The following SKI variants were observed in gnomAD, a reference collection of about 807,000 sequenced individuals.
The protein encoded by SKI is ski oncogene.
Under a neutral mutation model 59.3 loss-of-function variants are expected in SKI, and 23 were observed. That is an observed-to-expected ratio of 0.39 (90% confidence interval 0.28 to 0.55). The LOEUF (loss-of-function observed/expected upper bound fraction) is 0.55, where lower values mean the gene tolerates loss of function less well. Ranked by LOEUF, SKI falls within the 20% of genes least tolerant of loss-of-function variation. The pLI, the probability that SKI is intolerant of heterozygous loss-of-function variation, is 0.67. For missense variants in SKI, 1,017 were observed against 1,038.9 expected (o/e 0.98, Z 0.29); for synonymous variants, 673 against 488.6 (o/e 1.38, Z -4.98).
rs991398284 is a variant in SKI, at chr1:2,308,114, G to A, written c.*1349G>A. Reference sequence around the variant, plus strand: ...AAGCTTGAAAAATGATTTCCCAGTAGACAAGAGGCGGCTACCTATCCTACA... The same window carrying A: ...AAGCTTGAAAAATGATTTCCCAGTAAACAAGAGGCGGCTACCTATCCTACA... On this transcript the variant is annotated 3_prime_UTR_variant, in exon 7 of 7. Coordinates refer to ENST00000378536, the MANE Select transcript of SKI (RefSeq NM_003036.4). The A allele has an allele frequency of 6.6e-6, 1 of 152,224 alleles. No homozygotes were observed. The highest frequency in any genetic ancestry group is 6.5e-5 in the Admixed American group (1 of 15,276). 9.4% of individuals were successfully genotyped at this position (152,224 alleles called of 1,614,324 possible).
chr1:2,300,358 G>A (rs532477154), intron 1 of SKI, among the ~76,000 whole-genome samples: 2 of 151,708 alleles, frequency 1.3e-5, no homozygotes, highest in Admixed American at 1.3e-4. Context: ...CTCCTGCCTC[G>A]TGGCCTGTGG....
intron 1 of SKI, among the ~76,000 whole-genome samples, chr1:2,275,285 C>T (rs755981484): frequency 1.9e-4 from 29 of 152,334 alleles, no homozygotes; most frequent in Non-Finnish European, 3.1e-4. Context: ...CACGGCGGCT[C>T]CTTTCTGTTT....
intron 1 of SKI, among the ~76,000 whole-genome samples, chr1:2,259,571 C>T (rs1169883449): frequency 6.6e-6 from 1 of 152,176 alleles, no homozygotes; most frequent in African/African-American, 2.4e-5. Flanking sequence ...GCATAATTAA[C>T]ATAAGCTGCG....
intron 1 of SKI, among the ~76,000 whole-genome samples, chr1:2,261,161 C>T (rs1282746408): frequency 6.6e-6 from 1 of 152,188 alleles, no homozygotes; most frequent in Admixed American, 6.5e-5. Context: ...TTTACATCAA[C>T]GCCATGCTGT....
intron 1 of SKI, among the ~76,000 whole-genome samples, chr1:2,273,304 C>T (rs1227096218): frequency 6.6e-6 from 1 of 152,038 alleles, no homozygotes; most frequent in East Asian, 1.9e-4. Flanking sequence ...TGGCCGGCCA[C>T]TCCTCCTTCC....
intron 5 of SKI, among the ~76,000 whole-genome samples, chr1:2,305,534 GT>G (rs1176150485): frequency 2.0e-5 from 3 of 152,236 alleles, no homozygotes. Flanking sequence ...CATGTGGTGT[GT>G]TTGCAGCGTG....
In SKI at chr1:2,294,033, T is replaced by C. The variant is rs1398590956; in HGVS notation, c.970-8945T>C. On this transcript the variant is annotated intron_variant, in intron 1 of 6. Transcript: ENST00000378536. Reference sequence around the variant, plus strand: ...CATGTTTTCTGAGGTGCACAGAACATGGAGGGGTGCTCATCTCATGTCAGA... The same window carrying C: ...CATGTTTTCTGAGGTGCACAGAACACGGAGGGGTGCTCATCTCATGTCAGA... Among the ~76,000 whole-genome samples, 3 of 152,166 alleles carry C rather than the reference T, an allele frequency of 2.0e-5. No homozygotes were observed. The East Asian group carries it at 5.8e-4, about 29-fold the overall frequency.
chr1:2,255,333 G>T (rs970006292), intron 1 of SKI, among the ~76,000 whole-genome samples: 1 of 152,216 alleles, frequency 6.6e-6, no homozygotes, highest in Non-Finnish European at 1.5e-5. Context: ...GACACCTTGC[G>T]TCTTGAGTTT....
chr1:2,229,797 C>A lies in SKI; in HGVS notation c.969+62C>A. 6.5e-7 allele frequency: 1 copy of A among 1,548,626 alleles called. No individual in the cohort carries two copies. Among genetic ancestry groups the A allele is most frequent in the Non-Finnish European group, 8.7e-7 (1 of 1,146,382 alleles). ...GCTTGGGGTGGGGGCCCCTTCTGGA[C>A]TACAGGCTCTGGTCTCCGAAGGCTG... On this transcript the variant is annotated intron_variant, in intron 1 of 6. Coordinates refer to ENST00000378536, the MANE Select transcript of SKI (RefSeq NM_003036.4). The surrounding 1 kb of genome is among the most constrained non-coding windows in gnomAD (Gnocchi z 6.3).
At chr1:2,289,667 C>T (rs928894680) in intron 1 of SKI, among the ~76,000 whole-genome samples, 4 of 150,350 alleles carry the variant, frequency 2.7e-5, no homozygotes, top group Non-Finnish European at 4.4e-5. Flanking sequence ...CTGGCTGTAG[C>T]GGCTCTCCCC....
intron 1 of SKI, among the ~76,000 whole-genome samples, chr1:2,247,230 AAAC>A (rs976118451): frequency 1.3e-5 from 2 of 152,092 alleles, no homozygotes; most frequent in East Asian, 1.9e-4. Context: ...AAAAAACAAA[AAAC>A]AAAAAAGGGA....
rs1640626417 is a variant in SKI, at chr1:2,307,554, C to G, written c.*789C>G. 6.6e-6 allele frequency: 1 copy of G among 152,550 alleles called. No homozygotes were observed. The highest frequency in any genetic ancestry group is 2.1e-4 in the South Asian group (1 of 4,830). 9.4% of individuals were successfully genotyped at this position (152,550 alleles called of 1,614,324 possible). A position where few individuals can be genotyped will look rare whatever the true frequency, so the allele number is the denominator to read the frequency against. ...GACCTGCGTCGGGTGGTGACCGTGG[C>G]TGGCGGTCACGCCCTCAGCCCCTCC... On this transcript the variant is annotated 3_prime_UTR_variant, in exon 7 of 7. Coordinates refer to ENST00000378536, the MANE Select transcript of SKI (RefSeq NM_003036.4).
In SKI at chr1:2,277,735, A is replaced by G. The variant is rs377202182; in HGVS notation, c.970-25243A>G. The stretch of plus-strand genomic sequence containing the variant: ...ACACGTCAGTCCTGTGGGTGCACAC[A>G]CCTGCACTCACACATTCATCAGGAC... On this transcript the variant is annotated intron_variant, in intron 1 of 6. Coordinates refer to ENST00000378536, the MANE Select transcript of SKI (RefSeq NM_003036.4). 4.1e-5 allele frequency among the ~76,000 whole-genome samples: 6 copies of G among 147,914 alleles called. No homozygotes were observed. In the South Asian group the frequency reaches 1.3e-3, roughly 33 times the overall value.
At chr1:2,295,898 A>G (rs1640273833) in intron 1 of SKI, among the ~76,000 whole-genome samples, 1 of 152,224 alleles carries the variant, frequency 6.6e-6, no homozygotes, top group Non-Finnish European at 1.5e-5. Context: ...CTTGTGCACA[A>G]GCTGTCGTGT....
chr1:2,301,712 C>T (rs1261929175), intron 1 of SKI, among the ~76,000 whole-genome samples: 2 of 152,234 alleles, frequency 1.3e-5, no homozygotes, highest in Non-Finnish European at 2.9e-5. Flanking sequence ...GGGAAGAGCC[C>T]CCGGCCCTGA....
chr1:2,248,829 G>A (rs943693743), intron 1 of SKI, among the ~76,000 whole-genome samples: 1 of 152,234 alleles, frequency 6.6e-6, no homozygotes, highest in African/African-American at 2.4e-5. Flanking sequence ...GTGGCTTAGG[G>A]TTTAGGAGCA....
chr1:2,284,907 C>T (rs1569815482), intron 1 of SKI, among the ~76,000 whole-genome samples: 2 of 152,232 alleles, frequency 1.3e-5, no homozygotes, highest in Admixed American at 6.5e-5. Context: ...GTTTTGGTGC[C>T]ACACACAGCA....
chr1:2,279,063 T>C (rs1182546221), intron 1 of SKI, among the ~76,000 whole-genome samples: 1 of 152,158 alleles, frequency 6.6e-6, no homozygotes, highest in Non-Finnish European at 1.5e-5. Flanking sequence ...GCTTGGTGGC[T>C]GCTGGGTGGT....
At chr1:2,279,066 T>G (rs1396347988) in intron 1 of SKI, among the ~76,000 whole-genome samples, 2 of 152,162 alleles carry the variant, frequency 1.3e-5, no homozygotes, top group African/African-American at 2.4e-5. Flanking sequence ...TGGTGGCTGC[T>G]GGGTGGTCGC....
Sources: allele counts gnomAD v4.1 joint callset (sites outside exome capture counted in the v4.1 genomes callset), GRCh38; gene constraint gnomAD v4.1.1; non-coding constraint Gnocchi (gnomAD v3.1); transcripts MANE v1.5; gene names NCBI Gene and HGNC (gene_info 2026-07-23, HGNC 2026-07-21).